Variants in PAQR8 observed in about 807,000 individuals in gnomAD.
PAQR8 encodes the protein membrane progestin receptor beta.
Under a neutral mutation model 25.2 loss-of-function variants are expected in PAQR8, and 17 were observed. That is an observed-to-expected ratio of 0.67 (90% confidence interval 0.46 to 1.01). The LOEUF is 1.01. Among genes scored for constraint, PAQR8 ranks in the 50% least tolerant of loss-of-function variants. The pLI, the probability that PAQR8 is intolerant of heterozygous loss-of-function variation, is 0.00. For synonymous variants in PAQR8, 204 were observed against 190.6 expected, an observed-to-expected ratio of 1.07 and a Z score of -0.58; for missense variants, 392 against 448.4, an observed-to-expected ratio of 0.87 and a Z score of 1.14.
At chr6:52,384,305 T>C (rs2113942665) in intron 1 of PAQR8, among the ~76,000 whole-genome samples, 1 of 152,340 alleles carries the variant, frequency 6.6e-6, no homozygotes, top group South Asian at 2.1e-4. Context: ...GTACTATGGC[T>C]TTCTATAGCA....
At chr6:52,378,609 G>A (rs1763513553) in intron 1 of PAQR8, among the ~76,000 whole-genome samples, 1 of 152,026 alleles carries the variant, frequency 6.6e-6, no homozygotes, top group Non-Finnish European at 1.5e-5. Flanking sequence ...TGACCAACAT[G>A]ATGAAACCCT....
Position 52,362,665 on chromosome 6 carries a change from T to A in PAQR8, c.-53+416T>A, listed in dbSNP as rs1329370513. The stretch of plus-strand genomic sequence containing the variant: ...GATTCAGGACCAAGACGTGGGGGAG[T>A]CCGACAGGGCAGAACGAGGGGCGTC... On this transcript the variant is annotated intron_variant, in intron 1 of 1. Coordinates refer to ENST00000442253, the MANE Select transcript of PAQR8 (RefSeq NM_133367.5). This position sits in a 1 kb window ranked among gnomAD's most constrained non-coding sequence, Gnocchi z 4.1. Among the ~76,000 whole-genome samples, 1 of 150,324 alleles carries A rather than the reference T, an allele frequency of 6.7e-6. No individual in the cohort carries two copies. The highest frequency in any genetic ancestry group is 2.1e-4 in the South Asian group (1 of 4,716).
chr6:52,366,394 A>G (rs1329508065), intron 1 of PAQR8, among the ~76,000 whole-genome samples: 5 of 152,242 alleles, frequency 3.3e-5, no homozygotes, highest in African/African-American at 4.8e-5. Context: ...ATGCAGGAAC[A>G]AAAGCTTCTT....
Position 52,407,678 on chromosome 6 carries a change from C to CAAAAAAAAAAA in PAQR8, c.*3422_*3432dup, listed in dbSNP as rs5876275. 2.7e-5 allele frequency: 2 copies of CAAAAAAAAAAA among 72,800 alleles called. No individual in the cohort carries two copies. Among genetic ancestry groups the CAAAAAAAAAAA allele is most frequent in the East Asian group, 5.0e-4 (1 of 1,986 alleles). 4.5% of individuals were successfully genotyped at this position (72,800 alleles called of 1,614,324 possible). ...TTGGTCTTGTGTTTTGCTTGCTTGG[C>CAAAAAAAAAAA]AAAAAAAAAAAAAAAAAAAAAAAAA... is the stretch of plus-strand genomic sequence containing the variant. On this transcript the variant is annotated 3_prime_UTR_variant, in exon 2 of 2. Coordinates refer to ENST00000442253, the MANE Select transcript of PAQR8 (RefSeq NM_133367.5).
intron 1 of PAQR8, among the ~76,000 whole-genome samples, chr6:52,400,776 T>C (rs1450292599): frequency 6.6e-6 from 1 of 152,218 alleles, no homozygotes; most frequent in Non-Finnish European, 1.5e-5. Context: ...GGAGCACTTA[T>C]TGCACATTTT....
chr6:52,374,998 G>A (rs1300029142), intron 1 of PAQR8, among the ~76,000 whole-genome samples: 1 of 151,176 alleles, frequency 6.6e-6, no homozygotes, highest in Non-Finnish European at 1.5e-5. Flanking sequence ...CAGGGACAAT[G>A]TATTTTATTT....
chr6:52,396,122 C>T (rs1763764513), intron 1 of PAQR8, among the ~76,000 whole-genome samples: 1 of 152,188 alleles, frequency 6.6e-6, no homozygotes, highest in African/African-American at 2.4e-5. Context: ...TTTAAAGGAG[C>T]TGGTGGCTAA....
In PAQR8 at chr6:52,403,311, T is replaced by C; in HGVS notation, c.98T>C (p.Met33Thr). The change falls in exon 2 of 2, where the codon ATG becomes ACG. Residue 33 changes from methionine (M) to threonine (T), a missense_variant. Coordinates refer to ENST00000442253, the MANE Select transcript of PAQR8 (RefSeq NM_133367.5). ...PKILEDGLPK[M>T]PCTVPETDVP... ...ATCCTGGAGGATGGGCTTCCCAAGA[T>C]GCCTTGCACTGTCCCAGAAACGGAT... 1 of 1,614,076 alleles carries C rather than the reference T, an allele frequency of 6.2e-7. No individual in the cohort carries two copies. Among genetic ancestry groups the C allele is most frequent in the Non-Finnish European group, 8.5e-7 (1 of 1,179,938 alleles).
chr6:52,400,836 T>C (rs1347937835), intron 1 of PAQR8, among the ~76,000 whole-genome samples: 1 of 152,210 alleles, frequency 6.6e-6, no homozygotes, highest in Non-Finnish European at 1.5e-5. Flanking sequence ...TTGATCTCTT[T>C]GAAGGCAGGA....
rs181658524 is a variant in PAQR8, at chr6:52,392,877, C to T, written c.-52-10285C>T. 2.7e-4 allele frequency among the ~76,000 whole-genome samples: 41 copies of T among 152,286 alleles called. 1 individual carries two copies. The highest frequency in any genetic ancestry group is 5.0e-4 in the Non-Finnish European group (34 of 68,020). On this transcript the variant is annotated intron_variant, in intron 1 of 1. Transcript: ENST00000442253. The stretch of plus-strand genomic sequence containing the variant: ...TTTTGTGGAAGTCACATTTTATTCT[C>T]TTAGGGAGTATTGGAATCTGATTTA...
chr6:52,392,420 T>C (rs2113947135), intron 1 of PAQR8, among the ~76,000 whole-genome samples: 1 of 152,308 alleles, frequency 6.6e-6, no homozygotes, highest in Middle Eastern at 3.4e-3. Flanking sequence ...TGCCCAGTGT[T>C]CTTTCCAGGG....
intron 1 of PAQR8, among the ~76,000 whole-genome samples, chr6:52,380,351 A>G (rs536759352): frequency 6.6e-6 from 1 of 152,328 alleles, no homozygotes; most frequent in East Asian, 1.9e-4. Context: ...CAAGCTGTGT[A>G]TATCTTTTAA....
At chr6:52,365,508 T>TCAAG (rs1763341833) in intron 1 of PAQR8, among the ~76,000 whole-genome samples, 1 of 152,116 alleles carries the variant, frequency 6.6e-6, no homozygotes, top group Non-Finnish European at 1.5e-5. Context: ...TGTAGAACAC[T>TCAAG]TGAGTTCGGT....
chr6:52,363,440 A>G (rs886522528), intron 1 of PAQR8, among the ~76,000 whole-genome samples: 2 of 152,206 alleles, frequency 1.3e-5, no homozygotes, highest in Non-Finnish European at 2.9e-5. Flanking sequence ...GGTAATACCT[A>G]CCCGTGTGTG....
At chr6:52,398,353 C>A (rs887533909) in intron 1 of PAQR8, among the ~76,000 whole-genome samples, 2 of 151,236 alleles carry the variant, frequency 1.3e-5, no homozygotes, top group African/African-American at 4.9e-5. Context: ...ATTACAGGAG[C>A]CTGCTAACAC....
At chr6:52,403,088 C>A in intron 1 of PAQR8, 74 bp from the exon 2 acceptor site, 1 of 780,808 alleles carries the variant, frequency 1.3e-6, no homozygotes, top group Non-Finnish European at 2.0e-6. Context: ...AAGAAAATAG[C>A]CATAGTTCCT....
chr6:52,391,352 C>T (rs1465542291), intron 1 of PAQR8, among the ~76,000 whole-genome samples: 1 of 152,102 alleles, frequency 6.6e-6, no homozygotes, highest in Non-Finnish European at 1.5e-5. Flanking sequence ...GCATAGTATT[C>T]TATTTTATAG....
In PAQR8 at chr6:52,403,893, C is replaced by T. The variant is rs1763874560; in HGVS notation, c.680C>T (p.Pro227Leu). Residue 227 changes from proline (P) to leucine (L), a missense_variant, in exon 2 of 2, where the codon CCT becomes CTT. Transcript: ENST00000442253. The stretch of plus-strand genomic sequence containing the variant: ...CTGGCTTTTATCCTAGACATCAGCC[C>T]TGTGGCACACCGTGTGGCGCTCTGT... The part of the protein sequence containing the change: ...AGLAFILDIS[P>L]VAHRVALCHL... 6.2e-7 allele frequency: 1 copy of T among 1,614,116 alleles called. No homozygotes were observed. Among genetic ancestry groups the T allele is most frequent in the African/African-American group, 1.3e-5 (1 of 74,940 alleles).
At chr6:52,363,099 C>A (rs1204075458) in intron 1 of PAQR8, among the ~76,000 whole-genome samples, 1 of 152,110 alleles carries the variant, frequency 6.6e-6, no homozygotes. Context: ...GTCTAGGGAG[C>A]AAGACCGGGC....
Sources: allele counts gnomAD v4.1 joint callset (sites outside exome capture counted in the v4.1 genomes callset), GRCh38; gene constraint gnomAD v4.1.1; non-coding constraint Gnocchi (gnomAD v3.1); transcripts MANE v1.5; gene names NCBI Gene and HGNC (gene_info 2026-07-23, HGNC 2026-07-21).